ZDHHC20: variants seen among roughly 807,000 people sequenced by gnomAD.
The protein encoded by ZDHHC20 is zDHHC palmitoyltransferase 20.
In ZDHHC20, 43 loss-of-function variants were observed where a neutral mutation model predicts 57.8. The ratio of observed to expected loss-of-function variants is 0.74; its 90% confidence interval spans 0.58 to 0.96. The LOEUF (loss-of-function observed/expected upper bound fraction) is 0.96. Among genes scored for constraint, ZDHHC20 ranks in the 40% least tolerant of loss-of-function variants. The pLI is 0.00. For missense variants in ZDHHC20, 391 were observed against 441.1 expected, an observed-to-expected ratio of 0.89 and a Z score of 1.02; for synonymous variants, 157 against 153.0, an observed-to-expected ratio of 1.03 and a Z score of -0.19.
chr13:21,379,877 C>A (rs1320207916), intron 11 of ZDHHC20, among the ~76,000 whole-genome samples: 1 of 138,582 alleles, frequency 7.2e-6, no homozygotes, highest in Non-Finnish European at 1.5e-5. Context: ...TGCAGTGGTG[C>A]AATCTTGGCT....
Position 21,407,316 on chromosome 13 carries a change from C to T in ZDHHC20, c.371-4450G>A, listed in dbSNP as rs770835627. 8.5e-4 allele frequency among the ~76,000 whole-genome samples: 130 copies of T among 152,176 alleles called. 1 individual carries two copies. Among genetic ancestry groups the T allele is most frequent in the Non-Finnish European group, 1.0e-3 (69 of 68,004 alleles). ...GTTTCTTTCCTGACTTTTTAATGAT[C>T]GCCATTCTAACTGGTGTGAGATGGT... On this transcript the variant is annotated intron_variant, in intron 4 of 12. Coordinates refer to ENST00000400590, the MANE Select transcript of ZDHHC20 (RefSeq NM_001330059.2).
At chr13:21,394,681 T>C (rs1277999713) in intron 7 of ZDHHC20, among the ~76,000 whole-genome samples, 1 of 152,246 alleles carries the variant, frequency 6.6e-6, no homozygotes, top group East Asian at 1.9e-4. Flanking sequence ...AATTTTCTGA[T>C]AGAGAAATGT....
intron 1 of ZDHHC20, among the ~76,000 whole-genome samples, chr13:21,435,116 G>T (rs1310329434): frequency 6.6e-6 from 1 of 152,108 alleles, no homozygotes; most frequent in Non-Finnish European, 1.5e-5. Flanking sequence ...CAATCTTTTG[G>T]TATGGCAGGA....
At chr13:21,453,656 A>G (rs952821399) in intron 1 of ZDHHC20, among the ~76,000 whole-genome samples, 1 of 152,232 alleles carries the variant, frequency 6.6e-6, no homozygotes, top group Admixed American at 6.5e-5. Context: ...TTTGAAATCA[A>G]TAACAGAAAG....
intron 7 of ZDHHC20, among the ~76,000 whole-genome samples, chr13:21,399,608 T>C (rs1032927977): frequency 2.6e-5 from 4 of 152,254 alleles, no homozygotes; most frequent in East Asian, 3.9e-4. Flanking sequence ...GTCCATGTTA[T>C]ACAAAATCCA....
rs187694656 is a variant in ZDHHC20, at chr13:21,439,065, T to A, written c.119-13387A>T. Among the ~76,000 whole-genome samples the A allele has an allele frequency of 7.2e-5, 11 of 152,370 alleles. No individual in the cohort carries two copies. The East Asian group carries it at 2.1e-3, about 29-fold the overall frequency. On this transcript the variant is annotated intron_variant, in intron 1 of 12. Coordinates refer to ENST00000400590, the MANE Select transcript of ZDHHC20 (RefSeq NM_001330059.2). The stretch of plus-strand genomic sequence containing the variant: ...TATGCAGTAGGAAACCAAAAACTTG[T>A]ATGACTTGCTTTATTTTGATATTTG...
Position 21,378,629 on chromosome 13 carries a change from T to C in ZDHHC20, c.*40+32A>G, listed in dbSNP as rs940776157. Reference sequence around the variant, plus strand: ...TTATGAAATATGCAAATAAGCTGCATTTATTCAAGGATTACCTTTATACTG... The same window carrying C: ...TTATGAAATATGCAAATAAGCTGCACTTATTCAAGGATTACCTTTATACTG... On this transcript the variant is annotated intron_variant, in intron 12 of 12. Transcript: ENST00000400590. The C allele has an allele frequency of 3.2e-4, 382 of 1,194,542 alleles. 2 individuals carry two copies. In the African/African-American group the frequency reaches 5.5e-3, roughly 17 times the overall value. 74.0% of individuals were successfully genotyped at this position (1,194,542 alleles called of 1,614,324 possible).
intron 1 of ZDHHC20, among the ~76,000 whole-genome samples, chr13:21,458,629 A>C (rs1004371083): frequency 6.6e-6 from 1 of 152,224 alleles, no homozygotes; most frequent in Non-Finnish European, 1.5e-5. Context: ...CGCAGTTTGA[A>C]CAAAAACAAT....
At chr13:21,402,196 A>C (rs1203296021) in intron 5 of ZDHHC20, among the ~76,000 whole-genome samples, 1 of 152,214 alleles carries the variant, frequency 6.6e-6, no homozygotes, top group East Asian at 1.9e-4. Flanking sequence ...CAGGTCATAA[A>C]AACAAAAGTT....
intron 1 of ZDHHC20, among the ~76,000 whole-genome samples, chr13:21,443,634 T>C (rs1460223529): frequency 6.6e-6 from 1 of 152,258 alleles, no homozygotes; most frequent in Non-Finnish European, 1.5e-5. Flanking sequence ...TCTCAAGTTA[T>C]AAACTGAAGA....
chr13:21,398,325 G>A (rs1032852998), intron 7 of ZDHHC20, among the ~76,000 whole-genome samples: 3 of 152,100 alleles, frequency 2.0e-5, no homozygotes, highest in Admixed American at 6.5e-5. Flanking sequence ...TTAGCCGGGC[G>A]AGGTGCCGGG....
intron 7 of ZDHHC20, among the ~76,000 whole-genome samples, chr13:21,397,723 G>C (rs963546706): frequency 6.6e-6 from 1 of 152,114 alleles, no homozygotes; most frequent in East Asian, 1.9e-4. Flanking sequence ...CTTTTCATGT[G>C]TAAATATGAA....
chr13:21,401,578 A>G, intron 6 of ZDHHC20, 75 bp downstream of exon 6: 1 of 1,414,810 alleles, frequency 7.1e-7, no homozygotes, highest in Admixed American at 2.5e-5. Flanking sequence ...GGCCTTCAAA[A>G]TTTAGGAATA....
At chr13:21,384,495 A>G (rs4770150) in intron 9 of ZDHHC20, among the ~76,000 whole-genome samples, 118,718 of 146,184 alleles carry the variant, frequency 0.81, 49,219 homozygotes, top group East Asian at 1. Context: ...GGCTGAGGTG[A>G]CTTAAATCTA....
chr13:21,392,230 A>C (rs1317442252), intron 7 of ZDHHC20, among the ~76,000 whole-genome samples: 2 of 151,022 alleles, frequency 1.3e-5, no homozygotes, highest in African/African-American at 4.9e-5. Flanking sequence ...AAAAAAAAAC[A>C]ATAGCAATAC....
chr13:21,386,792 A>G (rs1234608409), intron 9 of ZDHHC20, among the ~76,000 whole-genome samples: 1 of 152,138 alleles, frequency 6.6e-6, no homozygotes, highest in Non-Finnish European at 1.5e-5. Flanking sequence ...CAAGTGATTC[A>G]CCTGCCTCGG....
chr13:21,417,436 T>A (rs1420377087), intron 3 of ZDHHC20, among the ~76,000 whole-genome samples: 4 of 152,042 alleles, frequency 2.6e-5, no homozygotes, highest in African/African-American at 7.2e-5. Flanking sequence ...GTTTTTACTT[T>A]TTATTATTAT....
intron 8 of ZDHHC20, among the ~76,000 whole-genome samples, chr13:21,389,778 T>C (rs766173538): frequency 6.6e-6 from 1 of 152,150 alleles, no homozygotes; most frequent in Non-Finnish European, 1.5e-5. Context: ...TGACGCCAAG[T>C]GGGAAAACGG....
At chr13:21,383,061 TG>T in intron 9 of ZDHHC20, 52 bp from the exon 10 acceptor site, 1 of 1,469,554 alleles carries the variant, frequency 6.8e-7, no homozygotes, top group Non-Finnish European at 9.3e-7. Context: ...TAAATCAAAA[TG>T]GTCAAATTTA....
Sources: allele counts gnomAD v4.1 joint callset (sites outside exome capture counted in the v4.1 genomes callset), GRCh38; gene constraint gnomAD v4.1.1; transcripts MANE v1.5; gene names NCBI Gene and HGNC (gene_info 2026-07-23, HGNC 2026-07-21).